The following DCK variants were observed in gnomAD, a reference collection of about 807,000 sequenced individuals.
DCK encodes deoxycytidine kinase.
DCK carries 23 observed loss-of-function variants against 38.3 expected under a neutral mutation model. The ratio of observed to expected loss-of-function variants is 0.60; its 90% CI spans 0.43 to 0.85. The LOEUF (loss-of-function observed/expected upper bound fraction) is 0.85. Ranked by LOEUF, DCK falls within the 40% of genes least tolerant of loss-of-function variation. The probability of loss-of-function intolerance (pLI) is 0.00; values close to 1 mark genes in which losing one functional copy is unlikely to be tolerated. For missense variants in DCK, 259 were observed against 304.4 expected (o/e 0.85, Z 1.11); for synonymous variants, 108 against 100.6 (o/e 1.07, Z -0.44).
Position 71,012,253 on chromosome 4 carries a change from A to T in DCK, c.208-10114A>T, listed in dbSNP as rs1409684793. 3.3e-5 allele frequency among the ~76,000 whole-genome samples: 5 copies of T among 152,314 alleles called. No individual in the cohort carries two copies. The South Asian group carries it at 1.0e-3, about 32-fold the overall frequency. Reference sequence around the variant, plus strand: ...CACCATTGCTGAGGCTTGGGTAGGTAAACAAAGTGGGCTGGAAGCTGGAAC... The same window carrying T: ...CACCATTGCTGAGGCTTGGGTAGGTTAACAAAGTGGGCTGGAAGCTGGAAC... On this transcript the variant is annotated intron_variant, in intron 2 of 6. Coordinates refer to ENST00000286648, the MANE Select transcript of DCK (RefSeq NM_000788.3).
At chr4:71,008,607 C>T (rs1304935617) in intron 2 of DCK, among the ~76,000 whole-genome samples, 1 of 152,092 alleles carries the variant, frequency 6.6e-6, no homozygotes, top group Non-Finnish European at 1.5e-5. Context: ...TGCAGTTATC[C>T]TCAGGTAGTA....
chr4:71,013,833 A>G (rs147496680), intron 2 of DCK, among the ~76,000 whole-genome samples: 1,926 of 152,338 alleles, frequency 0.013, 43 homozygotes, highest in African/African-American at 0.043. Context: ...CATCGAGGCT[A>G]GGAGGAAACT....
rs796302057 is a variant in DCK at position 71,005,359 on chromosome 4, G to A, written c.207+7177G>A. Among the ~76,000 whole-genome samples the A allele has an allele frequency of 4.3e-4, 65 of 151,914 alleles. 1 individual carries two copies. The highest frequency in any genetic ancestry group is 3.4e-3 in the Middle Eastern group (1 of 292). On this transcript the variant is annotated intron_variant, in intron 2 of 6. Coordinates refer to ENST00000286648, the MANE Select transcript of DCK (RefSeq NM_000788.3). ...TCAGTCGGAAATGCAGAAATCACCC[G>A]TCTTCTGCATTGGTCTCACTGGGAG...
At chr4:71,015,744 A>G (rs1740245583) in intron 2 of DCK, among the ~76,000 whole-genome samples, 2 of 152,234 alleles carry the variant, frequency 1.3e-5, no homozygotes, top group Admixed American at 1.3e-4. Flanking sequence ...CCCTTATGCT[A>G]AAAACTCTCA....
chr4:70,993,701 G>C lies in DCK; in HGVS notation c.-135G>C, dbSNP rs1004546452. The C allele has an allele frequency of 5.1e-5, 30 of 588,576 alleles. No homozygotes were observed. The highest frequency in any genetic ancestry group is 8.3e-5 in the Non-Finnish European group (28 of 337,206). 36.5% of individuals were successfully genotyped at this position (588,576 alleles called of 1,614,324 possible). On this transcript the variant is annotated 5_prime_UTR_variant, in exon 1 of 7. Coordinates refer to ENST00000286648, the MANE Select transcript of DCK (RefSeq NM_000788.3). The stretch of plus-strand genomic sequence containing the variant: ...AAGTCAAACCCCGACACCCGCCGGC[G>C]GGCCGGTGAGCTCACTAGCTGACCC...
chr4:71,013,562 C>T (rs533137390), intron 2 of DCK, among the ~76,000 whole-genome samples: 55 of 152,278 alleles, frequency 3.6e-4, no homozygotes, highest in East Asian at 1.3e-3. Flanking sequence ...GTGGATCTCG[C>T]GGCAGAAACG....
chr4:70,994,221 G>A (rs1253578355), intron 1 of DCK, among the ~76,000 whole-genome samples: 1 of 152,212 alleles, frequency 6.6e-6, no homozygotes, highest in African/African-American at 2.4e-5. Flanking sequence ...AGCGGGGGAA[G>A]GGTATTAGAT....
rs532138359 is a variant in DCK, at chr4:71,025,843, G to A, written c.577G>A (p.Gly193Arg). Residue 193 changes from glycine to arginine, a missense_variant, in exon 5 of 7, where the codon GGA (glycine) becomes AGA (arginine). Gly to Arg is a moderately radical substitution (Grantham distance 125). Around this residue, in one of 3 missense-constraint regions of DCK, gnomAD observed 82 missense variants for 103.8 expected, o/e 0.79. Coordinates refer to ENST00000286648, the MANE Select transcript of DCK (RefSeq NM_000788.3). ...ETCLHRIYLR[G>R]RNEEQGIPLE... ...ATGCTTACATAGAATATATTTACGG[G>A]GAAGAAATGAAGAGCAAGGCATTCC... The A allele has an allele frequency of 5.0e-6, 8 of 1,609,240 alleles. No homozygotes were observed. The Admixed American group carries it at 1.0e-4, about 20-fold the overall frequency.
chr4:71,029,306 A>G lies in DCK; in HGVS notation c.757-46A>G, dbSNP rs557664606. 7.3e-6 allele frequency: 10 copies of G among 1,366,908 alleles called. No homozygotes were observed. In the Admixed American group the frequency reaches 1.4e-4, roughly 19 times the overall value. The allele number at this position is 1,366,908 out of a possible 1,614,324, so 84.7% of individuals were successfully genotyped here. On this transcript the variant is annotated intron_variant, in intron 6 of 6. Coordinates refer to ENST00000286648, the MANE Select transcript of DCK (RefSeq NM_000788.3). ...ATGAAGATGAATATTAGATACCTCA[A>G]ATTAGTCAAGGAATTATACTGATTT...
chr4:71,012,022 T>C (rs1316934934), intron 2 of DCK, among the ~76,000 whole-genome samples: 2 of 152,228 alleles, frequency 1.3e-5, no homozygotes, highest in African/African-American at 4.8e-5. Context: ...CTGTTTACTG[T>C]TTGAAGTTAA....
chr4:71,029,676 G>T lies in DCK; in HGVS notation c.*298G>T. On this transcript the variant is annotated 3_prime_UTR_variant, in exon 7 of 7. Coordinates refer to ENST00000286648, the MANE Select transcript of DCK (RefSeq NM_000788.3). ...ACTAAACTACATTATAAAAGATCCA[G>T]CTTCCTTCTGTCATTCCCCTCTTTT... 3 of 266,018 alleles carry T rather than the reference G, an allele frequency of 1.1e-5. No homozygotes were observed. The highest frequency in any genetic ancestry group is 6.6e-5 in the South Asian group (1 of 15,078). The allele number at this position is 266,018 out of a possible 1,614,324, so 16.5% of individuals were successfully genotyped here.
intron 1 of DCK, among the ~76,000 whole-genome samples, chr4:70,994,673 A>G (rs905086865): frequency 2.6e-5 from 4 of 152,224 alleles, no homozygotes; most frequent in African/African-American, 9.6e-5. Context: ...TTATTAGCGA[A>G]GCATTGTTTT....
intron 2 of DCK, among the ~76,000 whole-genome samples, chr4:71,000,271 A>G (rs1739771055): frequency 6.6e-6 from 1 of 152,190 alleles, no homozygotes; most frequent in Admixed American, 6.5e-5. Context: ...CCATTTATTA[A>G]ATAGGGAATC....
chr4:71,018,062 A>G (rs887310570), intron 2 of DCK, among the ~76,000 whole-genome samples: 2 of 152,000 alleles, frequency 1.3e-5, no homozygotes, highest in East Asian at 1.9e-4. Flanking sequence ...TAGTGGAATG[A>G]TAACCTATTC....
chr4:71,026,523 C>G (rs938714149), intron 5 of DCK, 142 bp from the exon 6 acceptor site: 1 of 617,312 alleles, frequency 1.6e-6, no homozygotes, highest in Non-Finnish European at 2.9e-6. Flanking sequence ...AAGGGGCTGC[C>G]AGATGAAGTA....
At chr4:71,019,848 A>ATG (rs1740366107) in intron 2 of DCK, among the ~76,000 whole-genome samples, 1 of 152,028 alleles carries the variant, frequency 6.6e-6, no homozygotes, top group African/African-American at 2.4e-5. Context: ...AGTACAGTGC[A>ATG]TGATCTCAGC....
intron 2 of DCK, among the ~76,000 whole-genome samples, chr4:71,014,917 G>A (rs1294060581): frequency 6.6e-6 from 1 of 152,154 alleles, no homozygotes; most frequent in East Asian, 1.9e-4. Flanking sequence ...AAATAACTAA[G>A]ATCAGAGCAG....
chr4:71,023,586 A>C lies in DCK; in HGVS notation c.429A>C (p.Glu143Asp). The change falls in exon 4 of 7, where the codon GAA becomes GAC. Residue 143 changes from glutamate (E) to aspartate (D), a missense_variant. This residue lies in a region of DCK where 18 missense variants were observed against 41.6 expected (regional missense o/e 0.43). Transcript: ENST00000286648. ...ATATTTTTGCATCTAATTTGTATGA[A>C]TCTGAATGCATGAATGAGACAGAGT... Reference protein sequence around the residue: ...DRYIFASNLYESECMNETEWT... With the variant: ...DRYIFASNLYDSECMNETEWT... The C allele has an allele frequency of 1.9e-6, 3 of 1,606,360 alleles. No homozygotes were observed. Among genetic ancestry groups the C allele is most frequent in the South Asian group, 2.2e-5 (2 of 90,132 alleles).
chr4:71,022,904 A>G (rs1046621812), intron 3 of DCK, among the ~76,000 whole-genome samples: 5 of 152,288 alleles, frequency 3.3e-5, no homozygotes, highest in African/African-American at 1.2e-4. Flanking sequence ...GATCAAGAAG[A>G]TAAAAGTCTC....
Sources: gnomAD v4.1 joint callset for allele counts (sites outside exome capture counted in the v4.1 genomes callset) on GRCh38, gnomAD v4.1.1 for gene constraint, gnomAD v4.1.1 regional missense constraint, MANE v1.5 for transcripts, NCBI Gene and HGNC (gene_info 2026-07-23, HGNC 2026-07-21) for gene names.